The following TUBGCP4 variants were observed in gnomAD, a reference collection of about 807,000 sequenced individuals.
TUBGCP4 encodes tubulin gamma complex component 4.
A neutral mutation model predicts 91.6 loss-of-function variants in TUBGCP4; 54 were observed. That is an observed-to-expected ratio of 0.59 (90% CI 0.47 to 0.74). The LOEUF (loss-of-function observed/expected upper bound fraction) is 0.74. TUBGCP4 is among the 30% of genes least tolerant of loss of function. TUBGCP4 has a pLI of 0.00. For synonymous variants in TUBGCP4, 297 were observed against 302.8 expected (o/e 0.98, Z 0.20); for missense variants, 593 against 800.9 (o/e 0.74, Z 3.13).
chr15:43,377,622 AAAAAAAG>A (rs1224180055), intron 4 of TUBGCP4: 11 of 470,270 alleles, frequency 2.3e-5, no homozygotes, highest in South Asian at 5.7e-5. Context: ...AAAAAAAAAA[AAAAAAAG>A]AAAAAAGAAA....
intron 11 of TUBGCP4, among the ~76,000 whole-genome samples, chr15:43,396,972 TCTAGCACTAA>T (rs1389424911): frequency 6.6e-6 from 1 of 152,304 alleles, no homozygotes; most frequent in East Asian, 1.9e-4. Context: ...TCAGGTGTTG[TCTAGCACTAA>T]CCCACTGGAA....
At chr15:43,401,873 C>G in intron 15 of TUBGCP4, 23 bp downstream of exon 15, 3 of 1,613,206 alleles carry the variant, frequency 1.9e-6, no homozygotes, top group Non-Finnish European at 2.5e-6. Flanking sequence ...CATTGGTTTC[C>G]TCAGACTGCT....
chr15:43,401,973 T>A, intron 15 of TUBGCP4, 123 bp downstream of exon 15: 1 of 1,339,702 alleles, frequency 7.5e-7, no homozygotes, highest in Non-Finnish European at 1.0e-6. Context: ...TAAAACATTT[T>A]TTAAGAATGT....
intron 7 of TUBGCP4, 89 bp from the exon 8 acceptor site, chr15:43,385,702 A>G: frequency 7.2e-7 from 1 of 1,396,478 alleles, no homozygotes; most frequent in Admixed American, 1.9e-5. Flanking sequence ...TTTATTTTAA[A>G]TCATGGGTTG....
At chr15:43,399,143 G>C in intron 13 of TUBGCP4, 5 of 1,264,944 alleles carry the variant, frequency 4.0e-6, no homozygotes, top group Non-Finnish European at 5.1e-6. Flanking sequence ...AAACAGAATG[G>C]GACTGTCTTC....
At position 43,407,515 on chromosome 15, in the gene TUBGCP4, C is replaced by G. The variant is rs762293392; in HGVS notation, c.*2301C>G. On this transcript the variant is annotated 3_prime_UTR_variant, in exon 18 of 18. Transcript: ENST00000564079. ...GCAATGCTTCAGCACACTTCAGCAC[C>G]GAGGCTGGGCATGAGGGGTCCGTCA... is the stretch of plus-strand genomic sequence containing the variant. The G allele has an allele frequency of 6.2e-7, 1 of 1,614,160 alleles. No individual in the cohort carries two copies. The highest frequency in any genetic ancestry group is 8.5e-7 in the Non-Finnish European group (1 of 1,180,030).
rs1341585706 is a variant in TUBGCP4 at position 43,405,193 on chromosome 15, CTT to C, written c.1989-6_1989-5del. ...TGACACTTAATAAGGCTCTTTTTCT[CTT>C]TTGTAGTTTCGGGATGTGAAAATTT... On this transcript the variant is annotated splice_polypyrimidine_tract_variant and splice_region_variant and intron_variant, in intron 17 of 17. Transcript: ENST00000564079. The C allele has an allele frequency of 1.2e-6, 2 of 1,614,014 alleles. No homozygotes were observed. Among genetic ancestry groups the C allele is most frequent in the Non-Finnish European group, 1.7e-6 (2 of 1,179,952 alleles).
intron 3 of TUBGCP4, 98 bp downstream of exon 3, chr15:43,376,723 T>C: frequency 2.0e-6 from 3 of 1,528,688 alleles, no homozygotes; most frequent in South Asian, 1.2e-5. Context: ...TAGTTAAGAG[T>C]GAGCAGTTGC....
intron 9 of TUBGCP4, among the ~76,000 whole-genome samples, chr15:43,389,542 G>T (rs534048901): frequency 1.7e-4 from 26 of 152,186 alleles, no homozygotes; most frequent in African/African-American, 5.5e-4. Context: ...TGCTCTTTCT[G>T]TGTCAATTAA....
chr15:43,388,822 A>G (rs1206154570), intron 9 of TUBGCP4, among the ~76,000 whole-genome samples: 1 of 152,254 alleles, frequency 6.6e-6, no homozygotes, highest in Non-Finnish European at 1.5e-5. Flanking sequence ...TACAGCAATG[A>G]AAAGCTGTGC....
At chr15:43,398,267 C>A in intron 13 of TUBGCP4, 88 bp downstream of exon 13, 2 of 1,480,286 alleles carry the variant, frequency 1.4e-6, no homozygotes, top group Admixed American at 1.9e-5. Context: ...AGTGGGAAAG[C>A]AAGGTGTGGT....
chr15:43,407,957 C>T lies in TUBGCP4; in HGVS notation c.*2743C>T. 6.2e-7 allele frequency: 1 copy of T among 1,613,056 alleles called. No homozygotes were observed. The highest frequency in any genetic ancestry group is 1.1e-5 in the South Asian group (1 of 91,016). ...CTTTCAGGTACCTTTGTTATGGGCA[C>T]TTGAATGGTGCTGCTTCACAGAGGC... On this transcript the variant is annotated 3_prime_UTR_variant, in exon 18 of 18. Coordinates refer to ENST00000564079, the MANE Select transcript of TUBGCP4 (RefSeq NM_014444.5).
intron 1 of TUBGCP4, among the ~76,000 whole-genome samples, chr15:43,375,102 C>G (rs917931472): frequency 1.3e-5 from 2 of 152,226 alleles, no homozygotes; most frequent in African/African-American, 4.8e-5. Context: ...AGGGTTTCAT[C>G]ATGTTGGCCA....
At position 43,398,219 on chromosome 15, in the gene TUBGCP4, C is replaced by T. The variant is rs765577815; in HGVS notation, c.1418+40C>T. On this transcript the variant is annotated intron_variant, in intron 13 of 17. Transcript: ENST00000564079. ...GTTTCTCACAGGTAAATATGACCCACCTTACTTGTAAGGGAAGAAACTAGC... is the reference window on the plus strand; with the variant it reads ...GTTTCTCACAGGTAAATATGACCCATCTTACTTGTAAGGGAAGAAACTAGC... 4.4e-6 allele frequency: 7 copies of T among 1,588,702 alleles called. No homozygotes were observed. In the Admixed American group the frequency reaches 1.2e-4, roughly 28 times the overall value.
rs377633035 is a variant in TUBGCP4 at position 43,408,109 on chromosome 15, G to A, written c.*2895G>A. On this transcript the variant is annotated 3_prime_UTR_variant, in exon 18 of 18. Transcript: ENST00000564079. ...GTTGCCTATGAAGGAGACAGGAAAG[G>A]ACCTTAGCATGACAAGTAATATCCA... The A allele has an allele frequency of 3.3e-5, 53 of 1,610,502 alleles. No homozygotes were observed. In the African/African-American group the frequency reaches 5.2e-4, roughly 16 times the overall value.
intron 17 of TUBGCP4, 24 bp from the exon 18 acceptor site, chr15:43,405,178 T>C (rs532431281): frequency 6.2e-7 from 1 of 1,614,068 alleles, no homozygotes; most frequent in South Asian, 1.1e-5. Context: ...TGACACTTAA[T>C]AAGGCTCTTT....
rs1283287900 is a variant in TUBGCP4, at chr15:43,406,253, CT to C, written c.*1040del. On this transcript the variant is annotated 3_prime_UTR_variant, in exon 18 of 18. Coordinates refer to ENST00000564079, the MANE Select transcript of TUBGCP4 (RefSeq NM_014444.5). ...CAGTGTAAGTAAAAAGAAATATTCA[CT>C]GAACAACGCCCTCCAAACTGAAAAA... 5.2e-6 allele frequency: 1 copy of C among 190,782 alleles called. No individual in the cohort carries two copies. Among genetic ancestry groups the C allele is most frequent in the East Asian group, 1.4e-4 (1 of 7,164 alleles). The allele number at this position is 190,782 out of a possible 1,614,324, so 11.8% of individuals were successfully genotyped here. A position where few individuals can be genotyped will look rare whatever the true frequency, so the allele number is the denominator to read the frequency against.
In TUBGCP4 at chr15:43,371,221, G is replaced by T; in HGVS notation, c.-134G>T. Reference sequence around the variant, plus strand: ...GCTCCGCCGCAGCGATTGTCTCGGTGGGTTGATTCGGCACAAACCGCCCGA... The same window carrying T: ...GCTCCGCCGCAGCGATTGTCTCGGTTGGTTGATTCGGCACAAACCGCCCGA... On this transcript the variant is annotated 5_prime_UTR_variant, in exon 1 of 18. Coordinates refer to ENST00000564079, the MANE Select transcript of TUBGCP4 (RefSeq NM_014444.5). 2.3e-6 allele frequency: 2 copies of T among 852,804 alleles called. No individual in the cohort carries two copies. Among genetic ancestry groups the T allele is most frequent in the Non-Finnish European group, 3.7e-6 (2 of 537,622 alleles). The allele number at this position is 852,804 out of a possible 1,614,324, so 52.8% of individuals were successfully genotyped here.
intron 6 of TUBGCP4, 40 bp downstream of exon 6, chr15:43,380,203 G>A: frequency 1.9e-6 from 3 of 1,551,036 alleles, no homozygotes; most frequent in Non-Finnish European, 2.7e-6. Flanking sequence ...GTGGAGGTGG[G>A]TGGTCAAATT....
Sources: allele counts gnomAD v4.1 joint callset (sites outside exome capture counted in the v4.1 genomes callset), GRCh38; gene constraint gnomAD v4.1.1; transcripts MANE v1.5; gene names NCBI Gene and HGNC (gene_info 2026-07-23, HGNC 2026-07-21).